The following UTRN variants were observed in gnomAD, a reference collection of about 807,000 sequenced individuals.
UTRN encodes the protein dystrophin-related protein 1.
Under a neutral mutation model 463.9 loss-of-function variants are expected in UTRN, and 283 were observed. The ratio of observed to expected loss-of-function variants is 0.61; its 90% confidence interval spans 0.55 to 0.67. The LOEUF is 0.67. UTRN is among the 30% of genes least tolerant of loss of function. UTRN has a pLI of 0.00. For synonymous variants in UTRN, 1,442 were observed against 1,431.5 expected, an observed-to-expected ratio of 1.01 and a Z score of -0.17; for missense variants, 3,922 against 4,084.3, an observed-to-expected ratio of 0.96 and a Z score of 1.08.
At chr6:144,783,411 G>A (rs1165205358) in intron 61 of UTRN, among the ~76,000 whole-genome samples, 1 of 152,116 alleles carries the variant, frequency 6.6e-6, no homozygotes. Context: ...GCAATGAGCT[G>A]ACTAAAAATC....
In UTRN at chr6:144,648,438, C is replaced by T. The variant is rs575278425; in HGVS notation, c.7480-29968C>T. On this transcript the variant is annotated intron_variant, in intron 51 of 74. Coordinates refer to ENST00000367545, the MANE Select transcript of UTRN (RefSeq NM_007124.3). ...TAATGTTAAAATTTAACTTTTAATC[C>T]CTTTGTAGTATTTACACAACTGTCA... Among the ~76,000 whole-genome samples, 301 of 152,126 alleles carry T rather than the reference C, an allele frequency of 2.0e-3. 1 individual carries two copies. Among genetic ancestry groups the T allele is most frequent in the Non-Finnish European group, 2.6e-3 (175 of 67,998 alleles).
intron 54 of UTRN, among the ~76,000 whole-genome samples, chr6:144,733,804 G>A (rs565447890): frequency 3.0e-4 from 46 of 152,252 alleles, no homozygotes; most frequent in East Asian, 5.8e-4. Flanking sequence ...GAGGTCCATC[G>A]AGGAAAAATG....
At chr6:144,520,440 A>G (rs1384630638) in intron 39 of UTRN, among the ~76,000 whole-genome samples, 1 of 152,212 alleles carries the variant, frequency 6.6e-6, no homozygotes, top group African/African-American at 2.4e-5. Flanking sequence ...CCTTAGACAT[A>G]TGGGTAAATA....
At chr6:144,415,222 C>A (rs1239007348) in intron 3 of UTRN, among the ~76,000 whole-genome samples, 2 of 152,128 alleles carry the variant, frequency 1.3e-5, no homozygotes. Flanking sequence ...GATGTTTGCA[C>A]AATGATGAAA....
chr6:144,315,655 T>C lies in UTRN; in HGVS notation c.79+23748T>C, dbSNP rs548612274. Among the ~76,000 whole-genome samples the C allele has an allele frequency of 4.9e-3, 749 of 152,350 alleles. 5 individuals are homozygous for C. The highest frequency in any genetic ancestry group is 7.9e-3 in the Non-Finnish European group (539 of 68,030). On this transcript the variant is annotated intron_variant, in intron 2 of 74. Coordinates refer to ENST00000367545, the MANE Select transcript of UTRN (RefSeq NM_007124.3). Reference sequence around the variant, plus strand: ...ACAGTCTGATGGACACACTACTTCGTGGGCTGTGCCTTTGTGCAAAGCAAA... The same window carrying C: ...ACAGTCTGATGGACACACTACTTCGCGGGCTGTGCCTTTGTGCAAAGCAAA...
chr6:144,336,966 G>C (rs76678389), intron 2 of UTRN, among the ~76,000 whole-genome samples: 1 of 152,130 alleles, frequency 6.6e-6, no homozygotes, highest in Admixed American at 6.5e-5. Context: ...TTTCTACCAA[G>C]TGGTGGCATC....
rs112245610 is a variant in UTRN, at chr6:144,440,290, T to C, written c.1393-62T>C. The C allele has an allele frequency of 1.4e-3, 2,178 of 1,568,032 alleles. 31 individuals carry two copies. The African/African-American group carries it at 0.026, about 19-fold the overall frequency. ...TCCTTAATTACTATTGACAACTGAG[T>C]GCGTTTTAAATAGGTAAATGTGAAA... is the stretch of plus-strand genomic sequence containing the variant. On this transcript the variant is annotated intron_variant, in intron 12 of 74. Coordinates refer to ENST00000367545, the MANE Select transcript of UTRN (RefSeq NM_007124.3).
chr6:144,462,112 C>T (rs943149691), intron 22 of UTRN, among the ~76,000 whole-genome samples: 4 of 151,998 alleles, frequency 2.6e-5, no homozygotes, highest in African/African-American at 4.8e-5. Flanking sequence ...ACCATGTGTC[C>T]GTATGTTCTC....
intron 54 of UTRN, among the ~76,000 whole-genome samples, chr6:144,744,888 C>G (rs1024673405): frequency 6.6e-6 from 1 of 152,182 alleles, no homozygotes; most frequent in Non-Finnish European, 1.5e-5. Flanking sequence ...GTGGAAATGT[C>G]CCGTAAGCTT....
chr6:144,806,754 G>A (rs1013922657), intron 65 of UTRN, among the ~76,000 whole-genome samples: 1 of 141,096 alleles, frequency 7.1e-6, no homozygotes, highest in Admixed American at 7.1e-5. Context: ...ACCTTTGCTT[G>A]CTCACTCTTG....
intron 47 of UTRN, among the ~76,000 whole-genome samples, chr6:144,550,600 A>G (rs950886602): frequency 6.6e-6 from 1 of 152,228 alleles, no homozygotes; most frequent in African/African-American, 2.4e-5. Context: ...AGTCATCATC[A>G]GCAGCAATAA....
intron 51 of UTRN, among the ~76,000 whole-genome samples, chr6:144,577,567 A>G (rs1332978555): frequency 1.3e-5 from 2 of 152,150 alleles, no homozygotes; most frequent in Non-Finnish European, 2.9e-5. Flanking sequence ...TTTAAGCCCT[A>G]TTATGGTTAG....
At chr6:144,768,881 A>G (rs1342314103) in intron 58 of UTRN, among the ~76,000 whole-genome samples, 1 of 151,642 alleles carries the variant, frequency 6.6e-6, no homozygotes. Context: ...GTTACATGTC[A>G]CATGTTCTCA....
intron 51 of UTRN, among the ~76,000 whole-genome samples, chr6:144,650,755 G>A (rs1298115751): frequency 6.6e-6 from 1 of 151,908 alleles, no homozygotes; most frequent in Non-Finnish European, 1.5e-5. Flanking sequence ...CTAAAAATAC[G>A]AAAATTAGCC....
At chr6:144,405,875 T>G (rs1334482999) in intron 3 of UTRN, among the ~76,000 whole-genome samples, 3 of 152,188 alleles carry the variant, frequency 2.0e-5, no homozygotes, top group Admixed American at 6.5e-5. Context: ...GAAAAAATGG[T>G]GAGAGACTTT....
At position 144,438,914 on chromosome 6, in the gene UTRN, T is replaced by C; in HGVS notation, c.1392+19T>C. 6.2e-7 allele frequency: 1 copy of C among 1,612,746 alleles called. No homozygotes were observed. The highest frequency in any genetic ancestry group is 1.1e-5 in the South Asian group (1 of 90,954). On this transcript the variant is annotated intron_variant, in intron 12 of 74. Coordinates refer to ENST00000367545, the MANE Select transcript of UTRN (RefSeq NM_007124.3). ...ACATAAAGTAAATCTGTCTCATATT[T>C]CTTCGATACCTTATCAAATATGAAA...
At chr6:144,542,305 T>C (rs1255405265) in intron 45 of UTRN, among the ~76,000 whole-genome samples, 1 of 152,186 alleles carries the variant, frequency 6.6e-6, no homozygotes, top group Non-Finnish European at 1.5e-5. Flanking sequence ...ACTGAAGATA[T>C]GTTTTGGGCA....
rs547724382 is a variant in UTRN, at chr6:144,286,860, T to C, written c.-93+1039T>C. ...TCCACGGCCCCGCTCTCTGAGGTGT[T>C]CAGGACAGGGCCTCCTCTTTCCCAG... On this transcript the variant is annotated intron_variant, in intron 1 of 74. Transcript: ENST00000367545. The surrounding 1 kb of genome is among the most constrained non-coding windows in gnomAD (Gnocchi z 4.4). 4.1e-4 allele frequency among the ~76,000 whole-genome samples: 62 copies of C among 152,132 alleles called. No homozygotes were observed. The South Asian group carries it at 4.6e-3, about 11-fold the overall frequency.
chr6:144,304,237 G>GA (rs1805520893), intron 2 of UTRN, among the ~76,000 whole-genome samples: 4 of 152,016 alleles, frequency 2.6e-5, no homozygotes. Context: ...TAACCTTCAA[G>GA]AAAAAACAAA....
Sources: gnomAD v4.1 joint callset for allele counts (sites outside exome capture counted in the v4.1 genomes callset) on GRCh38, gnomAD v4.1.1 for gene constraint, Gnocchi (gnomAD v3.1) non-coding constraint, MANE v1.5 for transcripts, NCBI Gene and HGNC (gene_info 2026-07-23, HGNC 2026-07-21) for gene names.